Variants in AKAP13 observed in about 807,000 individuals in gnomAD.
AKAP13 encodes the protein A-kinase anchor protein 13.
Under a neutral mutation model 264.5 loss-of-function variants are expected in AKAP13, and 80 were observed. The ratio of observed to expected loss-of-function variants is 0.30; its 90% CI spans 0.25 to 0.36. AKAP13 has a LOEUF of 0.36. Ranked by LOEUF, AKAP13 falls within the 10% of genes least tolerant of loss-of-function variation. The pLI, the probability that AKAP13 is intolerant of heterozygous loss-of-function variation, is 1.00. For missense variants in AKAP13, 3,712 were observed against 3,435.2 expected (o/e 1.08, Z -2.01); for synonymous variants, 1,380 against 1,250.2 (o/e 1.10, Z -2.19).
At chr15:85,591,124 C>G (rs1028150997) in intron 8 of AKAP13, among the ~76,000 whole-genome samples, 1 of 152,162 alleles carries the variant, frequency 6.6e-6, no homozygotes, top group Non-Finnish European at 1.5e-5. Flanking sequence ...AGCACCTTTG[C>G]TTTATAAGAG....
chr15:85,517,912 C>A (rs897616515), intron 2 of AKAP13, among the ~76,000 whole-genome samples: 8 of 152,136 alleles, frequency 5.3e-5, no homozygotes, highest in African/African-American at 1.9e-4. Context: ...AAGGGGATCA[C>A]GCTGTTTCTT....
chr15:85,560,025 A>G (rs2078302964), intron 5 of AKAP13, among the ~76,000 whole-genome samples: 1 of 150,276 alleles, frequency 6.7e-6, no homozygotes, highest in Non-Finnish European at 1.5e-5. Context: ...TCTACTGTGA[A>G]CTAAATATAA....
chr15:85,391,049 T>G (rs2070830543), intron 1 of AKAP13, among the ~76,000 whole-genome samples: 1 of 152,134 alleles, frequency 6.6e-6, no homozygotes, highest in Non-Finnish European at 1.5e-5. Context: ...TTAGTGGGAA[T>G]TAGGGATATA....
rs3833025 is a variant in AKAP13 at position 85,718,898 on chromosome 15, TA to T, written c.6002-168del. The T allele has an allele frequency of 0.098, 70,920 of 726,706 alleles. 3,316 individuals are homozygous for T. The highest frequency in any genetic ancestry group is 0.2 in the Admixed American group (6,214 of 30,480). The allele number at this position is 726,706 out of a possible 1,614,324, so 45.0% of individuals were successfully genotyped here. ...TGGGTGACAGAGCCAGAACCTGTCT[TA>T]AAAAAAAAACAAAAAAACAAAAAAA... On this transcript the variant is annotated intron_variant, in intron 22 of 36. Transcript: ENST00000394518. The surrounding 1 kb of genome is among the most constrained non-coding windows in gnomAD (Gnocchi z 4.9).
chr15:85,613,775 G>A (rs1349135733), intron 8 of AKAP13, among the ~76,000 whole-genome samples: 1 of 148,264 alleles, frequency 6.7e-6, no homozygotes, highest in African/African-American at 2.5e-5. Context: ...TTTAATTCTG[G>A]GTTCCATCAT....
intron 16 of AKAP13, 89 bp downstream of exon 16, chr15:85,684,962 G>T: frequency 7.1e-7 from 1 of 1,405,636 alleles, no homozygotes; most frequent in South Asian, 1.6e-5. Flanking sequence ...AAATCATGGG[G>T]ACATAAATGG....
At chr15:85,561,018 T>G (rs557846068) in intron 5 of AKAP13, among the ~76,000 whole-genome samples, 10 of 152,106 alleles carry the variant, frequency 6.6e-5, no homozygotes, top group Non-Finnish European at 1.5e-4. Context: ...AGATTTTGAT[T>G]TGATAGATGT....
At chr15:85,390,205 A>G (rs1378129301) in intron 1 of AKAP13, among the ~76,000 whole-genome samples, 11 of 152,150 alleles carry the variant, frequency 7.2e-5, no homozygotes, top group Non-Finnish European at 1.6e-4. Context: ...TCTATATCCT[A>G]TTGAGGGAAG....
At chr15:85,381,521 CTTTTTTTTTTTT>C (rs1168869870) in intron 1 of AKAP13, among the ~76,000 whole-genome samples, 2 of 64,290 alleles carry the variant, frequency 3.1e-5, no homozygotes, top group Non-Finnish European at 5.3e-5. Context: ...CGGTTTACTG[CTTTTTTTTTTTT>C]TTTTTTTTTG....
chr15:85,388,043 T>C (rs998389950), intron 1 of AKAP13, among the ~76,000 whole-genome samples: 1 of 151,454 alleles, frequency 6.6e-6, no homozygotes, highest in Non-Finnish European at 1.5e-5. Flanking sequence ...CATTTCCTTT[T>C]TTTTTTTTTG....
rs960024144 is a variant in AKAP13, at chr15:85,645,672, A to T, written c.4238-146A>T. ...TTTTATAGCTTCTTAATTTTGAAAAAAAGAAATAAGGAGGGAAGGAAGAGA... is the reference window on the plus strand; with the variant it reads ...TTTTATAGCTTCTTAATTTTGAAAATAAGAAATAAGGAGGGAAGGAAGAGA... On this transcript the variant is annotated intron_variant, in intron 9 of 36. Coordinates refer to ENST00000394518, the MANE Select transcript of AKAP13 (RefSeq NM_007200.5). 3.4e-6 allele frequency: 3 copies of T among 890,106 alleles called. No homozygotes were observed. The East Asian group carries it at 8.5e-5, about 25-fold the overall frequency. The allele number at this position is 890,106 out of a possible 1,614,324, so 55.1% of individuals were successfully genotyped here. A position where few individuals can be genotyped will look rare whatever the true frequency, so the allele number is the denominator to read the frequency against.
At chr15:85,654,302 G>A (rs2151515807) in intron 10 of AKAP13, among the ~76,000 whole-genome samples, 1 of 152,208 alleles carries the variant, frequency 6.6e-6, no homozygotes, top group East Asian at 1.9e-4. Context: ...TTTTCAGAAG[G>A]CCACTAAAAA....
In AKAP13 at chr15:85,498,211, T is replaced by G. The variant is rs1028526688; in HGVS notation, c.33+12458T>G. On this transcript the variant is annotated intron_variant, in intron 2 of 36. Coordinates refer to ENST00000394518, the MANE Select transcript of AKAP13 (RefSeq NM_007200.5). ...TTAAATGAAGTGAGATATATATATA[T>G]ATATATATATATATATCACATTGAG... Among the ~76,000 whole-genome samples, 5 of 140,068 alleles carry G rather than the reference T, an allele frequency of 3.6e-5. 1 individual carries two copies. The highest frequency in any genetic ancestry group is 4.8e-4 in the South Asian group (2 of 4,180). 91.9% of individuals were successfully genotyped at this position (140,068 alleles called of 152,430 possible).
chr15:85,740,537 A>T (rs956787478), intron 34 of AKAP13: 10 of 469,972 alleles, frequency 2.1e-5, no homozygotes, highest in Non-Finnish European at 3.8e-5. Flanking sequence ...CATCTGGGAG[A>T]TTACTTCACT....
rs1241093717 is a variant in AKAP13 at position 85,743,669 on chromosome 15, A to G, written c.8236A>G (p.Ile2746Val). 1.2e-6 allele frequency: 2 copies of G among 1,614,178 alleles called. No individual in the cohort carries two copies. The highest frequency in any genetic ancestry group is 1.7e-6 in the Non-Finnish European group (2 of 1,180,028). The change falls in exon 36 of 37, where the codon ATA (isoleucine) becomes GTA (valine). Residue 2746 changes from isoleucine (I) to valine (V), a missense_variant. Physicochemically the swap from Ile to Val is conservative, Grantham distance 29 (BLOSUM62 3). Around this residue, in one of 3 missense-constraint regions of AKAP13, gnomAD observed 611 missense variants for 539.3 expected, o/e 1.13. Transcript: ENST00000394518. The stretch of plus-strand genomic sequence containing the variant: ...ACACAAAGATAAGGGGCCTTTTCAC[A>G]TACTGAGTTCAACCAGCCAGACAAA... ...RTHKDKGPFH[I>V]LSSTSQTNKG...
intron 8 of AKAP13, among the ~76,000 whole-genome samples, chr15:85,630,909 C>A (rs2081755744): frequency 6.6e-6 from 1 of 151,950 alleles, no homozygotes; most frequent in Non-Finnish European, 1.5e-5. Context: ...CCCAGCAGTT[C>A]CAGTCCTAGG....
intron 17 of AKAP13, among the ~76,000 whole-genome samples, chr15:85,701,562 C>G (rs2085915761): frequency 6.6e-6 from 1 of 152,076 alleles, no homozygotes; most frequent in Non-Finnish European, 1.5e-5. Context: ...GCCTCAGTCT[C>G]CCAAGTAGCT....
chr15:85,521,536 C>T lies in AKAP13; in HGVS notation c.142C>T (p.Arg48Trp), dbSNP rs765635230. 9.3e-6 allele frequency: 15 copies of T among 1,613,968 alleles called. No homozygotes were observed. Among genetic ancestry groups the T allele is most frequent in the South Asian group, 6.6e-5 (6 of 91,086 alleles). The part of the protein sequence containing the change: ...GSTLRHCTST[R>W]KVSSDTLETI... ...CACCCTCCGTCACTGTACAAGTACT[C>T]GGAAGGTCAGTTCTGATACATTGGA... The change falls in exon 3 of 37, where the codon CGG becomes TGG. Residue 48 changes from arginine (R) to tryptophan (W), a missense_variant. This residue lies in a region of AKAP13 where 2,759 missense variants were observed against 2,411.7 expected (regional missense o/e 1.14). Coordinates refer to ENST00000394518, the MANE Select transcript of AKAP13 (RefSeq NM_007200.5).
At chr15:85,409,171 T>A (rs1028728056) in intron 1 of AKAP13, among the ~76,000 whole-genome samples, 1 of 151,804 alleles carries the variant, frequency 6.6e-6, no homozygotes, top group East Asian at 1.9e-4. Flanking sequence ...TTCATTTTTA[T>A]TTTATTTTAA....
Sources: gnomAD v4.1 joint callset for allele counts (sites outside exome capture counted in the v4.1 genomes callset) on GRCh38, gnomAD v4.1.1 for gene constraint, gnomAD v4.1.1 regional missense constraint, Gnocchi (gnomAD v3.1) non-coding constraint, MANE v1.5 for transcripts, NCBI Gene and HGNC (gene_info 2026-07-23, HGNC 2026-07-21) for gene names.